Variants in SH3BP5L observed in about 807,000 individuals in gnomAD.
SH3BP5L encodes SH3 binding domain protein 5 like, also known as SH3 domain-binding protein 5-like.
Under a neutral mutation model 40.9 loss-of-function variants are expected in SH3BP5L, and 16 were observed. The observed-to-expected ratio is 0.39, with a 90% confidence interval of 0.27 to 0.59. The LOEUF (loss-of-function observed/expected upper bound fraction) is 0.59, where lower values mean the gene tolerates loss of function less well. Among genes scored for constraint, SH3BP5L ranks in the 20% least tolerant of loss-of-function variants. The probability of loss-of-function intolerance (pLI) is 0.53; values close to 1 mark genes in which losing one functional copy is unlikely to be tolerated. For missense variants in SH3BP5L, 471 were observed against 544.6 expected, an observed-to-expected ratio of 0.86 and a Z score of 1.35; for synonymous variants, 229 against 226.7, an observed-to-expected ratio of 1.01 and a Z score of -0.09.
chr1:248,822,063 T>G (rs1035786714), intron 2 of SH3BP5L, among the ~76,000 whole-genome samples: 1 of 151,996 alleles, frequency 6.6e-6, no homozygotes, highest in Non-Finnish European at 1.5e-5. Flanking sequence ...CTGGAAAGGC[T>G]CAGGTAAGGG....
intron 2 of SH3BP5L, among the ~76,000 whole-genome samples, chr1:248,817,771 T>G (rs2103015870): frequency 6.6e-6 from 1 of 152,168 alleles, no homozygotes; most frequent in Admixed American, 6.5e-5. Flanking sequence ...GAGAATCACT[T>G]GAACCTGGGA....
Position 248,821,765 on chromosome 1 carries a change from C to T in SH3BP5L, c.183+2988G>A, listed in dbSNP as rs2103018779. ...CTAAGATCATGACAAGGAGACACAG[C>T]CAGCAGCCTTCCCTGGAGGGACAGC... On this transcript the variant is annotated intron_variant, in intron 2 of 6. Coordinates refer to ENST00000366472, the MANE Select transcript of SH3BP5L (RefSeq NM_030645.3). The surrounding 1 kb of genome is among the most constrained non-coding windows in gnomAD (Gnocchi z 4.6). Among the ~76,000 whole-genome samples, 1 of 152,268 alleles carries T rather than the reference C, an allele frequency of 6.6e-6. No homozygotes were observed. The highest frequency in any genetic ancestry group is 1.9e-4 in the East Asian group (1 of 5,186).
Position 248,824,937 on chromosome 1 carries a change from C to T in SH3BP5L, c.-2G>A. ...TGGAACCTGTCTGAGCTCAGCCATG[C>T]TGACAGGGGGAGGGCAGAGCCCTAT... On this transcript the variant is annotated 5_prime_UTR_variant, in exon 2 of 7. Coordinates refer to ENST00000366472, the MANE Select transcript of SH3BP5L (RefSeq NM_030645.3). The T allele has an allele frequency of 6.2e-7, 1 of 1,611,908 alleles. No individual in the cohort carries two copies. The highest frequency in any genetic ancestry group is 8.5e-7 in the Non-Finnish European group (1 of 1,179,142).
At chr1:248,822,748 C>T (rs910838394) in intron 2 of SH3BP5L, among the ~76,000 whole-genome samples, 13 of 151,760 alleles carry the variant, frequency 8.6e-5, no homozygotes, top group African/African-American at 1.9e-4. Context: ...CTGCAACCTC[C>T]GCCTCCTGGG....
In SH3BP5L at chr1:248,810,995, T is replaced by TAA. The variant is rs1558224267; in HGVS notation, c.*904_*905insTT. On this transcript the variant is annotated 3_prime_UTR_variant, in exon 7 of 7. Coordinates refer to ENST00000366472, the MANE Select transcript of SH3BP5L (RefSeq NM_030645.3). ...AGGAGGGTGCTGAGTCAGTTCAGCATCCTCTACCCAGAAAAAGTAAACACA... is the reference window on the plus strand; with the variant it reads ...AGGAGGGTGCTGAGTCAGTTCAGCATAACCTCTACCCAGAAAAAGTAAACACA... 6.5e-6 allele frequency: 1 copy of TAA among 152,716 alleles called. No individual in the cohort carries two copies. The highest frequency in any genetic ancestry group is 2.4e-5 in the African/African-American group (1 of 41,462). 9.5% of individuals were successfully genotyped at this position (152,716 alleles called of 1,614,324 possible).
In SH3BP5L at chr1:248,825,025, T is replaced by C; in HGVS notation, c.-90A>G. The C allele has an allele frequency of 1.3e-6, 2 of 1,496,588 alleles. No individual in the cohort carries two copies. The highest frequency in any genetic ancestry group is 2.3e-5 in the East Asian group (1 of 43,316). The allele number at this position is 1,496,588 out of a possible 1,614,324, so 92.7% of individuals were successfully genotyped here. On this transcript the variant is annotated 5_prime_UTR_variant, in exon 2 of 7. Coordinates refer to ENST00000366472, the MANE Select transcript of SH3BP5L (RefSeq NM_030645.3). ...AGCTTGGGGCTTCCTGGGCTCTAGA[T>C]GGCCAGGAGAAGAGTTTCTCTTCTC...
rs759676523 is a variant in SH3BP5L at position 248,813,043 on chromosome 1, G to A, written c.657C>T (p.Ile219=). The part of the protein sequence containing the change: ...QALQKTLRRA[I]GKSRPYFELK... ...GCTCAAAGTAGGGGCGGCTCTTGCC[G>A]ATGGCCCTCCGGAGGGTCTTCTGCA... The change falls in exon 6 of 7, where the codon ATC becomes ATT. Residue 219 remains isoleucine, a synonymous_variant. Coordinates refer to ENST00000366472, the MANE Select transcript of SH3BP5L (RefSeq NM_030645.3). 28 of 1,609,674 alleles carry A rather than the reference G, an allele frequency of 1.7e-5. No homozygotes were observed. The highest frequency in any genetic ancestry group is 9.4e-5 in the African/African-American group (7 of 74,824).
chr1:248,815,212 G>A (rs937399227), intron 4 of SH3BP5L, among the ~76,000 whole-genome samples: 5 of 152,186 alleles, frequency 3.3e-5, no homozygotes, highest in African/African-American at 4.8e-5. Context: ...AGGAGTTTGA[G>A]GTTACAGTGA....
At chr1:248,823,319 C>G (rs747205602) in intron 2 of SH3BP5L, among the ~76,000 whole-genome samples, 10 of 152,192 alleles carry the variant, frequency 6.6e-5, no homozygotes, top group Non-Finnish European at 1.3e-4. Flanking sequence ...GAACTGTAGA[C>G]TTGTGTCAGA....
intron 2 of SH3BP5L, 45 bp from the exon 3 acceptor site, chr1:248,816,929 G>T (rs369372217): frequency 6.2e-7 from 1 of 1,613,152 alleles, no homozygotes; most frequent in African/African-American, 1.3e-5. Context: ...GAAGGAAGTA[G>T]CCTTGAATGA....
chr1:248,813,173 G>A lies in SH3BP5L; in HGVS notation c.538-11C>T, dbSNP rs779053402. Reference sequence around the variant, plus strand: ...CTCCGCCTCATTCACCTGGCCCAGAGGACACATCACTGAGCCAGGACCCAT... The same window carrying A: ...CTCCGCCTCATTCACCTGGCCCAGAAGACACATCACTGAGCCAGGACCCAT... On this transcript the variant is annotated splice_polypyrimidine_tract_variant and intron_variant, in intron 5 of 6. Coordinates refer to ENST00000366472, the MANE Select transcript of SH3BP5L (RefSeq NM_030645.3). The A allele has an allele frequency of 4.5e-6, 7 of 1,551,368 alleles. No homozygotes were observed. In the African/African-American group the frequency reaches 5.4e-5, roughly 12 times the overall value.
intron 4 of SH3BP5L, among the ~76,000 whole-genome samples, chr1:248,815,034 T>A (rs189735965): frequency 1.3e-5 from 2 of 152,220 alleles, no homozygotes; most frequent in African/African-American, 2.4e-5. Flanking sequence ...ACAGTCATCA[T>A]AGCCATACCA....
chr1:248,822,744 C>A (rs11205413), intron 2 of SH3BP5L, among the ~76,000 whole-genome samples: 15,680 of 151,458 alleles, frequency 0.1, 892 homozygotes, highest in East Asian at 0.19. Flanking sequence ...CTCACTGCAA[C>A]CTCCGCCTCC....
chr1:248,812,373 G>C lies in SH3BP5L; in HGVS notation c.712-3C>G, dbSNP rs750707273. On this transcript the variant is annotated splice_polypyrimidine_tract_variant and splice_region_variant and intron_variant, in intron 6 of 6. Transcript: ENST00000366472. This position sits in a 1 kb window ranked among gnomAD's most constrained non-coding sequence, Gnocchi z 6.1. Reference sequence around the variant, plus strand: ...TCTGTCACCTTGGCCTTGTGCTCCTGCAGAGGGCAGAGCAGAGCAAGGCGA... The same window carrying C: ...TCTGTCACCTTGGCCTTGTGCTCCTCCAGAGGGCAGAGCAGAGCAAGGCGA... The C allele has an allele frequency of 6.2e-7, 1 of 1,601,984 alleles. No homozygotes were observed. Among genetic ancestry groups the C allele is most frequent in the Non-Finnish European group, 8.5e-7 (1 of 1,179,358 alleles).
chr1:248,825,196 C>T lies in SH3BP5L; in HGVS notation c.-261G>A, dbSNP rs575418124. 7 of 1,224,918 alleles carry T rather than the reference C, an allele frequency of 5.7e-6. No individual in the cohort carries two copies. Among genetic ancestry groups the T allele is most frequent in the Non-Finnish European group, 7.2e-6 (7 of 978,958 alleles). 75.9% of individuals were successfully genotyped at this position (1,224,918 alleles called of 1,614,324 possible). A position where few individuals can be genotyped will look rare whatever the true frequency, so the allele number is the denominator to read the frequency against. ...CACAGGGAGTCCACTGTGACAAACC[C>T]GGAGCAACAGCTCCAAGGCAGGGGG... is the stretch of plus-strand genomic sequence containing the variant. On this transcript the variant is annotated 5_prime_UTR_variant, in exon 2 of 7. Transcript: ENST00000366472.
At position 248,811,409 on chromosome 1, in the gene SH3BP5L, A is replaced by C; in HGVS notation, c.*491T>G. ...GGGGGCAGGGCTCAGCAGCATACCT[A>C]GGGTACCCTCCAGAGTTGCCTTGGG... On this transcript the variant is annotated 3_prime_UTR_variant, in exon 7 of 7. Transcript: ENST00000366472. The C allele has an allele frequency of 1.9e-5, 3 of 158,436 alleles. No individual in the cohort carries two copies. The highest frequency in any genetic ancestry group is 4.1e-5 in the Non-Finnish European group (3 of 72,756). 9.8% of individuals were successfully genotyped at this position (158,436 alleles called of 1,614,324 possible). A position where few individuals can be genotyped will look rare whatever the true frequency, so the allele number is the denominator to read the frequency against.
chr1:248,816,403 G>A (rs143881659), intron 4 of SH3BP5L, 131 bp downstream of exon 4: 381 of 1,207,612 alleles, frequency 3.2e-4, no homozygotes, highest in Non-Finnish European at 4.0e-4. Context: ...AGCTGGTTCC[G>A]ACCAGCCAGG....
intron 5 of SH3BP5L, chr1:248,813,867 T>A (rs764643971): frequency 7.4e-5 from 12 of 163,140 alleles, no homozygotes; most frequent in Non-Finnish European, 1.3e-4. Context: ...CTCATTTGCA[T>A]GAGCTCTAGA....
At chr1:248,815,051 C>CA (rs1163573730) in intron 4 of SH3BP5L, among the ~76,000 whole-genome samples, 1 of 151,952 alleles carries the variant, frequency 6.6e-6, no homozygotes, top group African/African-American at 2.4e-5. Context: ...ACCAACCAAG[C>CA]AAAAAACAAA....
Sources: allele counts gnomAD v4.1 joint callset (sites outside exome capture counted in the v4.1 genomes callset), GRCh38; gene constraint gnomAD v4.1.1; non-coding constraint Gnocchi (gnomAD v3.1); transcripts MANE v1.5; gene names NCBI Gene and HGNC (gene_info 2026-07-23, HGNC 2026-07-21).